Variants in ARFGEF3 observed in about 807,000 individuals in gnomAD.
ARFGEF3 encodes ARFGEF family member 3.
In ARFGEF3, 96 loss-of-function variants were observed where a neutral mutation model predicts 221.7. That is an observed-to-expected ratio of 0.43 (90% CI 0.37 to 0.51). The LOEUF (loss-of-function observed/expected upper bound fraction) is 0.51. Ranked by LOEUF, ARFGEF3 falls within the 20% of genes least tolerant of loss-of-function variation. The pLI is 0.00. For missense variants in ARFGEF3, 2,410 were observed against 2,789.9 expected, an observed-to-expected ratio of 0.86 and a Z score of 3.07; for synonymous variants, 1,145 against 1,126.8, an observed-to-expected ratio of 1.02 and a Z score of -0.32.
rs113717178 is a variant in ARFGEF3, at chr6:138,183,692, G to A, written c.137+12979G>A. On this transcript the variant is annotated intron_variant, in intron 2 of 33. Transcript: ENST00000251691. ...TCAAAGAGCTTGTCATTTGCTGAAG[G>A]GAAAGCAAATAGATCATCATAATAC... 6.5e-3 allele frequency among the ~76,000 whole-genome samples: 988 copies of A among 152,296 alleles called. 10 individuals carry two copies. Among genetic ancestry groups the A allele is most frequent in the African/African-American group, 0.022 (919 of 41,550 alleles).
chr6:138,282,335 G>A (rs897866353), intron 14 of ARFGEF3, among the ~76,000 whole-genome samples: 8 of 152,172 alleles, frequency 5.3e-5, no homozygotes, highest in Admixed American at 4.6e-4. Flanking sequence ...TGCCCTCTCT[G>A]GAGTGTCTGT....
At chr6:138,190,744 G>T (rs1427744228) in intron 2 of ARFGEF3, among the ~76,000 whole-genome samples, 1 of 152,144 alleles carries the variant, frequency 6.6e-6, no homozygotes, top group Non-Finnish European at 1.5e-5. Flanking sequence ...TTATTGCAGT[G>T]GTGCCATGTG....
At position 138,340,551 on chromosome 6, in the gene ARFGEF3, C is replaced by T. The variant is rs1221911604; in HGVS notation, c.*4065C>T. ...CTTTGATAGTAATAGCAAGAGGTTACAAATAGCAGGGAGGAGGCGAGTAGT... is the reference window on the plus strand; with the variant it reads ...CTTTGATAGTAATAGCAAGAGGTTATAAATAGCAGGGAGGAGGCGAGTAGT... On this transcript the variant is annotated 3_prime_UTR_variant, in exon 34 of 34. Coordinates refer to ENST00000251691, the MANE Select transcript of ARFGEF3 (RefSeq NM_020340.5). The T allele has an allele frequency of 1.3e-5, 2 of 152,180 alleles. No individual in the cohort carries two copies. The highest frequency in any genetic ancestry group is 1.3e-4 in the Admixed American group (2 of 15,276). 9.4% of individuals were successfully genotyped at this position (152,180 alleles called of 1,614,324 possible). A position where few individuals can be genotyped will look rare whatever the true frequency, so the allele number is the denominator to read the frequency against.
intron 32 of ARFGEF3, among the ~76,000 whole-genome samples, chr6:138,330,445 G>A (rs1780205282): frequency 6.7e-6 from 1 of 149,672 alleles, no homozygotes; most frequent in Non-Finnish European, 1.5e-5. Context: ...CCAGTCTATG[G>A]TATTTGTTAA....
At position 138,323,811 on chromosome 6, in the gene ARFGEF3, T is replaced by C. The variant is rs1474559846; in HGVS notation, c.4869+38T>C. ...GAGGAAGCCCTCCCTGGCACAGTTC[T>C]AACCATCTTTAGCTCCTGATCCCTT... On this transcript the variant is annotated intron_variant, in intron 30 of 33. Transcript: ENST00000251691. 5 of 1,599,924 alleles carry C rather than the reference T, an allele frequency of 3.1e-6. No individual in the cohort carries two copies. In the East Asian group the frequency reaches 8.9e-5, roughly 29 times the overall value.
Position 138,200,175 on chromosome 6 carries a change from C to T in ARFGEF3, c.138-6867C>T, listed in dbSNP as rs190659563. Among the ~76,000 whole-genome samples the T allele has an allele frequency of 3.0e-3, 464 of 152,282 alleles. 4 individuals carry two copies. The highest frequency in any genetic ancestry group is 0.022 in the South Asian group (105 of 4,824). On this transcript the variant is annotated intron_variant, in intron 2 of 33. Transcript: ENST00000251691. ...TTAATTCTGTTTATATGGTATATCACATTTATTGATTTGCATGTGTTAAAT... is the reference window on the plus strand; with the variant it reads ...TTAATTCTGTTTATATGGTATATCATATTTATTGATTTGCATGTGTTAAAT...
intron 4 of ARFGEF3, among the ~76,000 whole-genome samples, chr6:138,221,686 A>G (rs1777984561): frequency 6.6e-6 from 1 of 152,016 alleles, no homozygotes; most frequent in African/African-American, 2.4e-5. Flanking sequence ...TTTTTCTGTG[A>G]CTATCACTGT....
At chr6:138,275,902 C>T (rs6927817) in intron 12 of ARFGEF3, among the ~76,000 whole-genome samples, 2,652 of 152,118 alleles carry the variant, frequency 0.017, 59 homozygotes, top group African/African-American at 0.056. Flanking sequence ...TTCTAGAAAA[C>T]GCTTACATTT....
At chr6:138,262,344 C>T (rs552412777) in intron 11 of ARFGEF3, among the ~76,000 whole-genome samples, 1 of 152,232 alleles carries the variant, frequency 6.6e-6, no homozygotes, top group African/African-American at 2.4e-5. Flanking sequence ...CACATACCAA[C>T]CACACCTGGC....
intron 20 of ARFGEF3, among the ~76,000 whole-genome samples, chr6:138,296,096 A>C (rs1429489890): frequency 2.0e-5 from 3 of 152,162 alleles, no homozygotes; most frequent in African/African-American, 4.8e-5. Flanking sequence ...ACCCTAGTTC[A>C]AGATTAGGGC....
At chr6:138,187,167 G>A (rs745677932) in intron 2 of ARFGEF3, among the ~76,000 whole-genome samples, 22 of 151,876 alleles carry the variant, frequency 1.4e-4, no homozygotes, top group African/African-American at 2.7e-4. Flanking sequence ...CACCTGCCTC[G>A]GCCTCCCAAA....
At chr6:138,311,261 C>G (rs1357097566) in intron 24 of ARFGEF3, 146 bp from the exon 25 acceptor site, 2 of 597,838 alleles carry the variant, frequency 3.3e-6, no homozygotes, top group African/African-American at 3.7e-5. Context: ...CAGGGTTGTG[C>G]AATTTGGAGT....
chr6:138,238,407 T>C, intron 5 of ARFGEF3, 102 bp from the exon 6 acceptor site: 1 of 1,232,652 alleles, frequency 8.1e-7, no homozygotes, highest in Non-Finnish European at 1.1e-6. Flanking sequence ...GCTGACTTTC[T>C]GTTTAAGAGG....
chr6:138,199,623 A>AT (rs535136706), intron 2 of ARFGEF3, among the ~76,000 whole-genome samples: 7 of 152,106 alleles, frequency 4.6e-5, no homozygotes, highest in Non-Finnish European at 7.4e-5. Flanking sequence ...TAAATATTTT[A>AT]TTTTTTTGCA....
intron 31 of ARFGEF3, among the ~76,000 whole-genome samples, chr6:138,325,273 A>G (rs1038010188): frequency 1.3e-5 from 2 of 152,204 alleles, no homozygotes; most frequent in African/African-American, 4.8e-5. Context: ...GCACACTGAT[A>G]ATCTAGGATC....
intron 22 of ARFGEF3, among the ~76,000 whole-genome samples, chr6:138,305,005 G>T (rs189444809): frequency 1.5e-4 from 23 of 151,764 alleles, no homozygotes; most frequent in African/African-American, 4.8e-4. Context: ...TTCCATGACT[G>T]TTATGGCGGG....
chr6:138,334,251 G>T lies in ARFGEF3; in HGVS notation c.5405G>T (p.Gly1802Val), dbSNP rs1780278773. 1.2e-6 allele frequency: 2 copies of T among 1,613,684 alleles called. No individual in the cohort carries two copies. The highest frequency in any genetic ancestry group is 1.7e-6 in the Non-Finnish European group (2 of 1,179,828). Residue 1802 changes from glycine to valine, a missense_variant, in exon 33 of 34, where the codon GGC (glycine) becomes GTC (valine). This residue lies in a region of ARFGEF3 where 723 missense variants were observed against 991.9 expected (regional missense o/e 0.73). Coordinates refer to ENST00000251691, the MANE Select transcript of ARFGEF3 (RefSeq NM_020340.5). The surrounding 1 kb of genome is among the most constrained non-coding windows in gnomAD (Gnocchi z 5.1). ...CLLKKVSGIGGAANLYRQSAM... is the reference protein window; with the variant it reads ...CLLKKVSGIGVAANLYRQSAM... ...CTGAAGAAAGTGTCTGGCATCGGGG[G>T]CGCCGCCAACCTCTACCGCCAGTCT...
At chr6:138,316,105 G>A (rs150654531) in intron 26 of ARFGEF3, among the ~76,000 whole-genome samples, 81 of 152,160 alleles carry the variant, frequency 5.3e-4, no homozygotes, top group African/African-American at 1.8e-3. Flanking sequence ...GGTATGTAAC[G>A]TCGAGCATTC....
intron 21 of ARFGEF3, among the ~76,000 whole-genome samples, chr6:138,298,350 GA>G (rs903631676): frequency 7.2e-5 from 11 of 152,194 alleles, no homozygotes; most frequent in African/African-American, 2.7e-4. Flanking sequence ...TCATGTTACA[GA>G]AAAAGAAATT....
Sources: allele counts gnomAD v4.1 joint callset (sites outside exome capture counted in the v4.1 genomes callset), GRCh38; gene constraint gnomAD v4.1.1; regional missense constraint gnomAD v4.1.1; non-coding constraint Gnocchi (gnomAD v3.1); transcripts MANE v1.5; gene names NCBI Gene and HGNC (gene_info 2026-07-23, HGNC 2026-07-21).